The following BCL2 variants were observed in gnomAD, a reference collection of about 807,000 sequenced individuals.
BCL2 encodes BCL2 apoptosis regulator.
Under a neutral mutation model 14.2 loss-of-function variants are expected in BCL2, and 1 was observed. The ratio of observed to expected loss-of-function variants is 0.07; its 90% CI spans 0.02 to 0.33. The LOEUF (loss-of-function observed/expected upper bound fraction) is 0.33. Ranked by LOEUF, BCL2 falls within the 10% of genes least tolerant of loss-of-function variation. The probability of loss-of-function intolerance (pLI) is 0.99; values close to 1 mark genes in which losing one functional copy is unlikely to be tolerated. For synonymous variants in BCL2, 151 were observed against 137.2 expected (o/e 1.10, Z -0.70); for missense variants, 247 against 305.9 (o/e 0.81, Z 1.44).
rs1568222430 is a variant in BCL2 at position 63,169,300 on chromosome 18, CTTTCTTT to C, written c.586-40548_586-40542del. ...TCTTTCTTTCTTTCTTTCTTTCTTT[CTTTCTTT>C]CTTCCTTCCTTCCTTCTTTCCTTTC... On this transcript the variant is annotated intron_variant, in intron 2 of 2. Coordinates refer to ENST00000333681, the MANE Select transcript of BCL2 (RefSeq NM_000633.3). Among the ~76,000 whole-genome samples, 24 of 76,682 alleles carry C rather than the reference CTTTCTTT, an allele frequency of 3.1e-4. 1 individual carries two copies. Among genetic ancestry groups the C allele is most frequent in the South Asian group, 5.2e-4 (1 of 1,920 alleles). 50.3% of individuals were successfully genotyped at this position (76,682 alleles called of 152,430 possible).
chr18:63,291,277 A>G lies in BCL2; in HGVS notation c.585+26805T>C, dbSNP rs1227747006. Among the ~76,000 whole-genome samples, 6 of 152,166 alleles carry G rather than the reference A, an allele frequency of 3.9e-5. No homozygotes were observed. The East Asian group carries it at 9.6e-4, about 24-fold the overall frequency. Reference sequence around the variant, plus strand: ...ATATGATTGGCTTCCATTTCTCTGTATTTGTCGAAAGAATCTCTAAATTGT... The same window carrying G: ...ATATGATTGGCTTCCATTTCTCTGTGTTTGTCGAAAGAATCTCTAAATTGT... On this transcript the variant is annotated intron_variant, in intron 2 of 2. Coordinates refer to ENST00000333681, the MANE Select transcript of BCL2 (RefSeq NM_000633.3).
In BCL2 at chr18:63,126,399, T is replaced by C. The variant is rs548212819; in HGVS notation, c.*2226A>G. 5 of 223,904 alleles carry C rather than the reference T, an allele frequency of 2.2e-5. No homozygotes were observed. The highest frequency in any genetic ancestry group is 6.7e-5 in the African/African-American group (3 of 44,922). 13.9% of individuals were successfully genotyped at this position (223,904 alleles called of 1,614,324 possible). On this transcript the variant is annotated 3_prime_UTR_variant, in exon 3 of 3. Transcript: ENST00000333681. ...CAACTCTCTAAAGGTCAAACCACCA[T>C]AGATTTGAATCTGCTGGTCATTTGC...
At chr18:63,132,453 G>T (rs1599198760) in intron 2 of BCL2, among the ~76,000 whole-genome samples, 2 of 152,134 alleles carry the variant, frequency 1.3e-5, no homozygotes, top group African/African-American at 2.4e-5. Flanking sequence ...TCTGATCTGA[G>T]GATAGTCCGT....
chr18:63,160,022 T>A (rs1393531540), intron 2 of BCL2, among the ~76,000 whole-genome samples: 4 of 152,242 alleles, frequency 2.6e-5, no homozygotes, highest in Non-Finnish European at 4.4e-5. Flanking sequence ...GAATATATCA[T>A]GTGTACAGTT....
intron 2 of BCL2, among the ~76,000 whole-genome samples, chr18:63,260,705 G>GA (rs35829205): frequency 1.5e-4 from 23 of 149,748 alleles, no homozygotes; most frequent in Admixed American, 4.6e-4. Flanking sequence ...TTTAAAAATG[G>GA]AAAAAAAAAA....
intron 2 of BCL2, among the ~76,000 whole-genome samples, chr18:63,213,535 CACACACACATAA>C (rs1278438573): frequency 3.9e-5 from 4 of 103,410 alleles, no homozygotes; most frequent in Non-Finnish European, 8.0e-5. Context: ...ACCACACACA[CACACACACATAA>C]ACACACACAC....
intron 2 of BCL2, among the ~76,000 whole-genome samples, chr18:63,257,041 T>C (rs1911499190): frequency 6.6e-6 from 1 of 152,270 alleles, no homozygotes; most frequent in Non-Finnish European, 1.5e-5. Context: ...GTCCTTACTA[T>C]TTTGTTTTTC....
intron 2 of BCL2, among the ~76,000 whole-genome samples, chr18:63,224,221 G>A (rs4987778): frequency 0.025 from 3,811 of 152,246 alleles, 79 homozygotes; most frequent in Non-Finnish European, 0.039. Flanking sequence ...AACTGTCCAG[G>A]AAGTTCAACT....
At position 63,246,232 on chromosome 18, in the gene BCL2, C is replaced by T. The variant is rs565165543; in HGVS notation, c.585+71850G>A. Among the ~76,000 whole-genome samples the T allele has an allele frequency of 1.4e-4, 21 of 152,206 alleles. 1 individual carries two copies. The highest frequency in any genetic ancestry group is 1.2e-3 in the South Asian group (6 of 4,824). On this transcript the variant is annotated intron_variant, in intron 2 of 2. Transcript: ENST00000333681. Reference sequence around the variant, plus strand: ...GAGGTCATTCAGTGGGAGAGGAGTCCGTTTGTTCTTCCTTCTGTCTCCAAG... The same window carrying T: ...GAGGTCATTCAGTGGGAGAGGAGTCTGTTTGTTCTTCCTTCTGTCTCCAAG...
intron 2 of BCL2, among the ~76,000 whole-genome samples, chr18:63,230,637 G>T (rs1910664674): frequency 6.6e-6 from 1 of 151,812 alleles, no homozygotes; most frequent in South Asian, 2.1e-4. Context: ...GCATAAAATG[G>T]GTCATAACTA....
chr18:63,228,099 T>A (rs939306021), intron 2 of BCL2, among the ~76,000 whole-genome samples: 3 of 152,228 alleles, frequency 2.0e-5, no homozygotes, highest in Non-Finnish European at 4.4e-5. Flanking sequence ...GAAAGAAAAA[T>A]CTCTTCCTTC....
At chr18:63,316,578 T>G (rs369779163) in intron 2 of BCL2, 1 of 152,240 alleles carries the variant, frequency 6.6e-6, no homozygotes, top group Non-Finnish European at 1.5e-5. Flanking sequence ...GAAGAGGATT[T>G]AAATTTTAGA....
intron 2 of BCL2, among the ~76,000 whole-genome samples, chr18:63,199,560 T>A (rs1599240170): frequency 7.0e-6 from 1 of 143,366 alleles, no homozygotes; most frequent in Non-Finnish European, 1.5e-5. Context: ...CACACACAGA[T>A]ACCACACAAC....
chr18:63,179,459 C>T (rs555807685), intron 2 of BCL2, among the ~76,000 whole-genome samples: 2 of 152,292 alleles, frequency 1.3e-5, no homozygotes, highest in African/African-American at 2.4e-5. Flanking sequence ...TTGGAACTGT[C>T]TGTGCCTGCT....
chr18:63,163,414 G>T (rs538122907), intron 2 of BCL2, among the ~76,000 whole-genome samples: 19 of 152,210 alleles, frequency 1.2e-4, no homozygotes, highest in African/African-American at 4.3e-4. Flanking sequence ...TTTGGGAGGG[G>T]TATCACATAT....
At chr18:63,156,213 G>A (rs944071193) in intron 2 of BCL2, among the ~76,000 whole-genome samples, 1 of 152,052 alleles carries the variant, frequency 6.6e-6, no homozygotes, top group Non-Finnish European at 1.5e-5. Context: ...GGAAGGGAGT[G>A]GCAGCCCATT....
intron 2 of BCL2, among the ~76,000 whole-genome samples, chr18:63,248,013 G>A (rs940574410): frequency 1.3e-5 from 2 of 152,134 alleles, no homozygotes; most frequent in African/African-American, 4.8e-5. Flanking sequence ...AAGCATACAT[G>A]GTGCCAAGCA....
chr18:63,289,838 G>A (rs986823167), intron 2 of BCL2, among the ~76,000 whole-genome samples: 1 of 152,220 alleles, frequency 6.6e-6, no homozygotes, highest in Non-Finnish European at 1.5e-5. Context: ...AGGTTGCAGT[G>A]AGCCAAGATG....
intron 2 of BCL2, among the ~76,000 whole-genome samples, chr18:63,218,158 C>T (rs1910259443): frequency 6.6e-6 from 1 of 152,138 alleles, no homozygotes. Context: ...TCAGTATGGC[C>T]TTTTCATCAA....
Sources: gnomAD v4.1 joint callset for allele counts (sites outside exome capture counted in the v4.1 genomes callset) on GRCh38, gnomAD v4.1.1 for gene constraint, MANE v1.5 for transcripts, NCBI Gene and HGNC (gene_info 2026-07-23, HGNC 2026-07-21) for gene names.